The following RABGAP1L variants were observed in gnomAD, a reference collection of about 807,000 sequenced individuals.
RABGAP1L encodes rab GTPase-activating protein 1-like.
Under a neutral mutation model 137.7 loss-of-function variants are expected in RABGAP1L, and 63 were observed. The observed-to-expected ratio is 0.46, with a 90% CI of 0.37 to 0.56. The LOEUF is 0.56. RABGAP1L is among the 20% of genes least tolerant of loss of function. The pLI is 0.00. For synonymous variants in RABGAP1L, 431 were observed against 433.7 expected (o/e 0.99, Z 0.08); for missense variants, 1,095 against 1,244.0 (o/e 0.88, Z 1.80).
At chr1:174,487,884 C>T (rs1486131208) in intron 13 of RABGAP1L, among the ~76,000 whole-genome samples, 1 of 152,136 alleles carries the variant, frequency 6.6e-6, no homozygotes, top group Non-Finnish European at 1.5e-5. Context: ...TTTGTATAAA[C>T]AAGCAAAAAG....
Position 174,750,105 on chromosome 1 carries a change from G to A in RABGAP1L, c.2170-2208G>A, listed in dbSNP as rs147608666. 1.4e-3 allele frequency among the ~76,000 whole-genome samples: 208 copies of A among 152,190 alleles called. 4 individuals are homozygous for A. The East Asian group carries it at 0.03, about 22-fold the overall frequency. On this transcript the variant is annotated intron_variant, in intron 17 of 25. Coordinates refer to ENST00000681986, the MANE Select transcript of RABGAP1L (RefSeq NM_001366446.1). The stretch of plus-strand genomic sequence containing the variant: ...AGGATGGTCTCGATCTCCTGACCTC[G>A]TGATCCGCCTGCCTCGGTCTCCCAA...
chr1:174,687,136 C>A (rs148779218), intron 15 of RABGAP1L, among the ~76,000 whole-genome samples: 95 of 152,184 alleles, frequency 6.2e-4, no homozygotes, highest in African/African-American at 2.1e-3. Context: ...ACACCCTCCC[C>A]ACCCCGTCCG....
chr1:174,951,906 A>G (rs1274334458), intron 19 of RABGAP1L, among the ~76,000 whole-genome samples: 1 of 152,138 alleles, frequency 6.6e-6, no homozygotes, highest in East Asian at 1.9e-4. Flanking sequence ...TGCAAAACCA[A>G]CTTTTCACAA....
intron 13 of RABGAP1L, among the ~76,000 whole-genome samples, chr1:174,469,890 A>C (rs1414110189): frequency 2.0e-5 from 3 of 152,110 alleles, no homozygotes; most frequent in African/African-American, 7.2e-5. Context: ...ACTGCCAAAA[A>C]TGCTTTACCC....
At chr1:174,795,870 C>G (rs762049486) in intron 18 of RABGAP1L, among the ~76,000 whole-genome samples, 4 of 152,210 alleles carry the variant, frequency 2.6e-5, no homozygotes, top group Non-Finnish European at 5.9e-5. Context: ...GCTACTGTGC[C>G]TGGCCTCAGC....
At position 174,994,475 on chromosome 1, in the gene RABGAP1L, AAAG is replaced by A. The variant is rs1284172799; in HGVS notation, c.*4477_*4479del. On this transcript the variant is annotated 3_prime_UTR_variant, in exon 26 of 26. Coordinates refer to ENST00000681986, the MANE Select transcript of RABGAP1L (RefSeq NM_001366446.1). ...GTGGTATTCTGAAAAGCTTAAGAAA[AAAG>A]AATCATTGAGTAGAAAGTGAACATT... 6.6e-6 allele frequency: 1 copy of A among 152,226 alleles called. No homozygotes were observed. The highest frequency in any genetic ancestry group is 1.5e-5 in the Non-Finnish European group (1 of 68,034). The allele number at this position is 152,226 out of a possible 1,614,324, so 9.4% of individuals were successfully genotyped here.
intron 19 of RABGAP1L, among the ~76,000 whole-genome samples, chr1:174,813,853 A>G (rs532949435): frequency 1.3e-5 from 2 of 152,228 alleles, no homozygotes; most frequent in Admixed American, 6.5e-5. Flanking sequence ...GATGCCAGAG[A>G]GAAGTATTGT....
chr1:174,723,090 T>C (rs1681704709), intron 17 of RABGAP1L, among the ~76,000 whole-genome samples: 1 of 152,134 alleles, frequency 6.6e-6, no homozygotes, highest in African/African-American at 2.4e-5. Context: ...TGTTTGTTTT[T>C]GAGAAGGAGT....
At chr1:174,701,016 T>A in intron 16 of RABGAP1L, 2 of 1,273,264 alleles carry the variant, frequency 1.6e-6, no homozygotes, top group Non-Finnish European at 2.1e-6. Flanking sequence ...TTGAAGTACC[T>A]AATGGGCACA....
chr1:174,658,392 T>A (rs987962378), intron 14 of RABGAP1L, among the ~76,000 whole-genome samples: 1 of 152,124 alleles, frequency 6.6e-6, no homozygotes, highest in African/African-American at 2.4e-5. Context: ...CCAATTCCAA[T>A]CCAACAGCAG....
intron 19 of RABGAP1L, among the ~76,000 whole-genome samples, chr1:174,834,005 A>C (rs1386774219): frequency 6.6e-6 from 1 of 152,230 alleles, no homozygotes; most frequent in Non-Finnish European, 1.5e-5. Context: ...TTCTGGAAAA[A>C]TAGTAGACTA....
At chr1:174,313,789 A>G (rs919993135) in intron 11 of RABGAP1L, among the ~76,000 whole-genome samples, 1 of 152,000 alleles carries the variant, frequency 6.6e-6, no homozygotes, top group African/African-American at 2.4e-5. Context: ...TTTTTCCTTC[A>G]TTCTGTTGAT....
chr1:174,968,122 C>T (rs1669804894), intron 20 of RABGAP1L, among the ~76,000 whole-genome samples: 2 of 152,146 alleles, frequency 1.3e-5, no homozygotes, highest in Non-Finnish European at 2.9e-5. Context: ...ATTGTCTTCT[C>T]TTTCAATATA....
intron 19 of RABGAP1L, among the ~76,000 whole-genome samples, chr1:174,831,013 A>T (rs892086481): frequency 6.8e-6 from 1 of 147,684 alleles, no homozygotes; most frequent in African/African-American, 2.5e-5. Context: ...TCAGTTGTCT[A>T]CCTCATGGTT....
At chr1:174,246,744 T>G (rs1401638192) in intron 5 of RABGAP1L, among the ~76,000 whole-genome samples, 1 of 152,182 alleles carries the variant, frequency 6.6e-6, no homozygotes, top group Non-Finnish European at 1.5e-5. Context: ...CTGGGAGTTT[T>G]GGGGGGTCCT....
intron 13 of RABGAP1L, among the ~76,000 whole-genome samples, chr1:174,550,845 C>T (rs1008484179): frequency 8.0e-6 from 1 of 125,224 alleles, no homozygotes. Flanking sequence ...CGGTGAAACC[C>T]CGTCTCTGCT....
intron 14 of RABGAP1L, among the ~76,000 whole-genome samples, chr1:174,642,570 ACT>A (rs2148358288): frequency 6.6e-6 from 1 of 151,786 alleles, no homozygotes; most frequent in East Asian, 1.9e-4. Context: ...TTTTAATTCA[ACT>A]CTTTCTTGAT....
chr1:174,700,074 T>C (rs895651145), intron 16 of RABGAP1L, among the ~76,000 whole-genome samples: 7 of 152,190 alleles, frequency 4.6e-5, no homozygotes, highest in Non-Finnish European at 7.3e-5. Context: ...GAATAAAACA[T>C]ACTAAAATAC....
At chr1:174,384,442 A>G (rs1446921444) in intron 12 of RABGAP1L, among the ~76,000 whole-genome samples, 6 of 152,182 alleles carry the variant, frequency 3.9e-5, no homozygotes, top group Admixed American at 2.6e-4. Flanking sequence ...ATAAATGACA[A>G]AAAAGAAAAA....
Sources: allele counts gnomAD v4.1 joint callset (sites outside exome capture counted in the v4.1 genomes callset), GRCh38; gene constraint gnomAD v4.1.1; transcripts MANE v1.5; gene names NCBI Gene and HGNC (gene_info 2026-07-23, HGNC 2026-07-21).